PTGES2: variants seen among roughly 807,000 people sequenced by gnomAD.
The protein encoded by PTGES2 is prostaglandin E synthase 2.
In PTGES2, 35 loss-of-function variants were observed where a neutral mutation model predicts 44.5. The observed-to-expected ratio is 0.79, with a 90% CI of 0.60 to 1.04. PTGES2 has a LOEUF of 1.04. PTGES2 is among the 50% of genes least tolerant of loss of function. PTGES2 has a pLI of 0.00. For missense variants in PTGES2, 517 were observed against 521.4 expected, an observed-to-expected ratio of 0.99 and a Z score of 0.08; for synonymous variants, 221 against 227.5, an observed-to-expected ratio of 0.97 and a Z score of 0.26.
intron 6 of PTGES2, 47 bp downstream of exon 6, chr9:128,122,315 A>G (rs1375726841): frequency 3.4e-6 from 5 of 1,485,542 alleles, no homozygotes; most frequent in Admixed American, 1.7e-5. Flanking sequence ...CCCCACTCTG[A>G]GGACAGAACC....
Position 128,125,441 on chromosome 9 carries a change from G to C in PTGES2, c.280C>G (p.Leu94Val). The stretch of plus-strand genomic sequence containing the variant: ...AGCTGCAGGCGGCTGGACAGGGAGA[G>C]CTGCGGGCAGCAGACGGAAAAGGCT... ...DLHAERSAAQ[L>V]SLSSRLQLTL... The change falls in exon 2 of 7, where the codon CTC becomes GTC. Residue 94 changes from leucine (L) to valine (V), a missense_variant and splice_region_variant. Physicochemically the swap from Leu to Val is conservative, Grantham distance 32. Transcript: ENST00000338961. 4 of 1,613,786 alleles carry C rather than the reference G, an allele frequency of 2.5e-6. No individual in the cohort carries two copies. The highest frequency in any genetic ancestry group is 3.4e-6 in the Non-Finnish European group (4 of 1,179,924).
intron 1 of PTGES2, among the ~76,000 whole-genome samples, chr9:128,127,162 C>A (rs935691775): frequency 8.7e-6 from 1 of 115,346 alleles, no homozygotes; most frequent in Non-Finnish European, 1.7e-5. Flanking sequence ...TAATGCGAGA[C>A]CCTGTCTCGA....
At chr9:128,127,951 T>G (rs1834704492), upstream of PTGES2, 1 of 420,586 alleles carries the variant, frequency 2.4e-6, no homozygotes, top group Non-Finnish European at 4.2e-6. Context: ...TGCTTCCGCC[T>G]CCAAAGGCTC....
chr9:128,123,701 C>A lies in PTGES2; in HGVS notation c.686+1G>T, dbSNP rs1452061442. On this transcript the variant is annotated splice_donor_variant, in intron 4 of 6. Coordinates refer to ENST00000338961, the MANE Select transcript of PTGES2 (RefSeq NM_025072.7). LOFTEE classifies it high-confidence loss of function. This position sits in a 1 kb window ranked among gnomAD's most constrained non-coding sequence, Gnocchi z 4.4. ...CCCCCGCCAGCCCCAGCCCCACTCA[C>A]GTCCTGGCCTCCTTCCCACCATACA... 1 of 1,612,070 alleles carries A rather than the reference C, an allele frequency of 6.2e-7. No individual in the cohort carries two copies. The highest frequency in any genetic ancestry group is 8.5e-7 in the Non-Finnish European group (1 of 1,178,732).
chr9:128,120,987 G>T lies in PTGES2; in HGVS notation c.*158C>A. The T allele has an allele frequency of 1.1e-6, 1 of 931,744 alleles. No individual in the cohort carries two copies. Among genetic ancestry groups the T allele is most frequent in the South Asian group, 1.6e-5 (1 of 60,840 alleles). The allele number at this position is 931,744 out of a possible 1,614,324, so 57.7% of individuals were successfully genotyped here. A position where few individuals can be genotyped will look rare whatever the true frequency, so the allele number is the denominator to read the frequency against. The stretch of plus-strand genomic sequence containing the variant: ...TCCCTAACATCCCTGAGCCCCAGCA[G>T]GTGCCCTGTGTTAGAAGCGAGAGGG... On this transcript the variant is annotated 3_prime_UTR_variant, in exon 7 of 7. Transcript: ENST00000338961.
upstream of PTGES2, chr9:128,128,410 G>A (rs1405442189): frequency 2.2e-6 from 1 of 452,002 alleles, no homozygotes; most frequent in Non-Finnish European, 4.4e-6. Context: ...AGCCTCCACC[G>A]CATAGGCGTC....
upstream of PTGES2, chr9:128,128,399 G>A (rs895400009): frequency 1.5e-5 from 7 of 455,452 alleles, no homozygotes; most frequent in Admixed American, 1.7e-4. Context: ...CTGAAGCCCG[G>A]AGCCTCCACC....
intron 1 of PTGES2, among the ~76,000 whole-genome samples, chr9:128,126,633 T>C (rs923791468): frequency 6.7e-6 from 1 of 150,116 alleles, no homozygotes; most frequent in African/African-American, 2.5e-5. Context: ...CCGAGGCGGG[T>C]GGCTCATTTG....
At chr9:128,127,389 C>A in intron 1 of PTGES2, 50 bp downstream of exon 1, 10 of 1,317,750 alleles carry the variant, frequency 7.6e-6, no homozygotes, top group Non-Finnish European at 9.7e-6. Context: ...CCAGGAGTCC[C>A]GAGTTCGGCG....
intron 1 of PTGES2, among the ~76,000 whole-genome samples, chr9:128,126,372 G>C (rs1338265481): frequency 6.6e-6 from 1 of 152,124 alleles, no homozygotes; most frequent in South Asian, 2.1e-4. Context: ...CTTGGGGGGG[G>C]CACCTTTCTA....
rs758610457 is a variant in PTGES2, at chr9:128,123,621, G to A, written c.686+81C>T. ...GTCTCCCATGCTGCTCCCTGCTCAC[G>A]CCATCTTGCTCAGCTTGGTCCTACT... On this transcript the variant is annotated intron_variant, in intron 4 of 6. Coordinates refer to ENST00000338961, the MANE Select transcript of PTGES2 (RefSeq NM_025072.7). This position sits in a 1 kb window ranked among gnomAD's most constrained non-coding sequence, Gnocchi z 4.4. The A allele has an allele frequency of 5.9e-5, 84 of 1,435,844 alleles. No individual in the cohort carries two copies. Among genetic ancestry groups the A allele is most frequent in the African/African-American group, 3.9e-4 (28 of 71,910 alleles). The allele number at this position is 1,435,844 out of a possible 1,614,324, so 88.9% of individuals were successfully genotyped here.
chr9:128,122,504 T>C, intron 5 of PTGES2, 25 bp from the exon 6 acceptor site: 1 of 1,595,614 alleles, frequency 6.3e-7, no homozygotes, highest in Non-Finnish European at 8.6e-7. Flanking sequence ...GAAAAGCCCC[T>C]CAGGGGAGCC....
chr9:128,122,304 C>T (rs1018521205), intron 6 of PTGES2, 58 bp downstream of exon 6: 2 of 1,380,494 alleles, frequency 1.4e-6, no homozygotes, highest in African/African-American at 1.4e-5. Flanking sequence ...TTGCAAACCT[C>T]CCCCACTCTG....
chr9:128,127,638 T>TG lies in PTGES2; in HGVS notation c.79dup (p.Gln27ProfsTer27), dbSNP rs1440086145. ...CCGGCTCTGCGTGGGTAGCAGCGGC[T>TG]GGGGGCGGCCTCCCAGCCTCCAGGC... On this transcript the variant is annotated frameshift_variant, in exon 1 of 7. Coordinates refer to ENST00000338961, the MANE Select transcript of PTGES2 (RefSeq NM_025072.7). LOFTEE classifies it high-confidence loss of function. The TG allele has an allele frequency of 7.9e-7, 1 of 1,269,710 alleles. No individual in the cohort carries two copies. The highest frequency in any genetic ancestry group is 9.9e-7 in the Non-Finnish European group (1 of 1,009,058). 78.7% of individuals were successfully genotyped at this position (1,269,710 alleles called of 1,614,324 possible).
Position 128,123,810 on chromosome 9 carries a change from T to G in PTGES2, c.578A>C (p.Lys193Thr). ...CTCCTTGCCCTGCTCGTTCACAGCC[T>G]TCATGGCTGGGTAGTAGGTGATGAT... is the stretch of plus-strand genomic sequence containing the variant. ...EEIITYYPAMKAVNEQGKEVT... is the reference protein window; with the variant it reads ...EEIITYYPAMTAVNEQGKEVT... The change falls in exon 4 of 7, where the codon AAG (lysine) becomes ACG (threonine). Residue 193 changes from lysine (K) to threonine (T), a missense_variant. Physicochemically the swap from Lys to Thr is moderately conservative, Grantham distance 78. Transcript: ENST00000338961. The surrounding 1 kb of genome is among the most constrained non-coding windows in gnomAD (Gnocchi z 4.4). 2 of 1,614,096 alleles carry G rather than the reference T, an allele frequency of 1.2e-6. No homozygotes were observed. Among genetic ancestry groups the G allele is most frequent in the South Asian group, 2.2e-5 (2 of 91,082 alleles).
At chr9:128,125,508 G>A in intron 1 of PTGES2, 67 bp from the exon 2 acceptor site, 1 of 1,475,406 alleles carries the variant, frequency 6.8e-7, no homozygotes, top group Non-Finnish European at 9.4e-7. Context: ...GCCCCCAAGG[G>A]TGTTTTCCAG....
chr9:128,126,073 G>A (rs1028097572), intron 1 of PTGES2, among the ~76,000 whole-genome samples: 3 of 152,238 alleles, frequency 2.0e-5, no homozygotes, highest in Non-Finnish European at 4.4e-5. Flanking sequence ...GCCAAGGCCT[G>A]CGTGTGGCAA....
chr9:128,122,653 T>TA (rs1834460152), intron 5 of PTGES2, 174 bp from the exon 6 acceptor site: 2 of 644,544 alleles, frequency 3.1e-6, no homozygotes, highest in African/African-American at 1.8e-5. Flanking sequence ...GAGGCTGTGG[T>TA]AAAGGCAAGA....
Position 128,123,908 on chromosome 9 carries a change from G to A in PTGES2, c.537-57C>T, listed in dbSNP as rs531899593. ...CCTTCCCCCTCCGTCCCCTGTGGCCGACCAACCCCGCTGCCCCAGCCTCAG... is the reference window on the plus strand; with the variant it reads ...CCTTCCCCCTCCGTCCCCTGTGGCCAACCAACCCCGCTGCCCCAGCCTCAG... On this transcript the variant is annotated intron_variant, in intron 3 of 6. Coordinates refer to ENST00000338961, the MANE Select transcript of PTGES2 (RefSeq NM_025072.7). This position sits in a 1 kb window ranked among gnomAD's most constrained non-coding sequence, Gnocchi z 4.4. 5.5e-5 allele frequency: 87 copies of A among 1,577,212 alleles called. No homozygotes were observed. Among genetic ancestry groups the A allele is most frequent in the African/African-American group, 4.6e-4 (34 of 74,312 alleles).
Sources: allele counts gnomAD v4.1 joint callset (sites outside exome capture counted in the v4.1 genomes callset), GRCh38; gene constraint gnomAD v4.1.1; non-coding constraint Gnocchi (gnomAD v3.1); transcripts MANE v1.5; gene names NCBI Gene and HGNC (gene_info 2026-07-23, HGNC 2026-07-21).